The following METRNL variants were observed in gnomAD, a reference collection of about 807,000 sequenced individuals.
METRNL encodes meteorin like, glial cell differentiation regulator, also known as meteorin-like protein.
Under a neutral mutation model 17.4 loss-of-function variants are expected in METRNL, and 9 were observed. That is an observed-to-expected ratio of 0.52 (90% CI 0.31 to 0.90). The LOEUF (loss-of-function observed/expected upper bound fraction) is 0.90. METRNL is among the 40% of genes least tolerant of loss of function. The pLI, the probability that METRNL is intolerant of heterozygous loss-of-function variation, is 0.05. For synonymous variants in METRNL, 215 were observed against 199.3 expected, an observed-to-expected ratio of 1.08 and a Z score of -0.66; for missense variants, 408 against 430.7, an observed-to-expected ratio of 0.95 and a Z score of 0.47.
At chr17:83,092,130 G>A (rs544675605) in intron 2 of METRNL, among the ~76,000 whole-genome samples, 18 of 152,326 alleles carry the variant, frequency 1.2e-4, no homozygotes, top group South Asian at 4.1e-4. Context: ...GCCAGGCCCC[G>A]CAGGGTTCAG....
Position 83,085,313 on chromosome 17 carries a change from C to G in METRNL, c.546C>G (p.His182Gln), listed in dbSNP as rs554168103. 3.3e-5 allele frequency: 50 copies of G among 1,525,146 alleles called. 2 individuals are homozygous for G. In the Admixed American group the frequency reaches 9.9e-4, roughly 30 times the overall value. 94.5% of individuals were successfully genotyped at this position (1,525,146 alleles called of 1,614,324 possible). Residue 182 changes from histidine to glutamine, a missense_variant, in exon 2 of 4, where the codon CAC (histidine) becomes CAG (glutamine). Physicochemically the swap from His to Gln is conservative, Grantham distance 24 (BLOSUM62 0). Coordinates refer to ENST00000320095, the MANE Select transcript of METRNL (RefSeq NM_001004431.3). The stretch of plus-strand genomic sequence containing the variant: ...GGAGGCACAGGGCGTCGGACCTGCA[C>G]GAGCTGTCTGGTGAGTGTCCTGCCT... ...LVRRHRASDL[H>Q]ELSAPCRPCS... is the part of the protein sequence containing the mutation.
intron 2 of METRNL, among the ~76,000 whole-genome samples, chr17:83,092,166 A>C (rs767154353): frequency 6.4e-4 from 98 of 152,168 alleles, no homozygotes; most frequent in Non-Finnish European, 9.7e-4. Flanking sequence ...TTCTGTGAGC[A>C]GGGCTTGGCT....
chr17:83,084,882 G>T, intron 1 of METRNL, 56 bp from the exon 2 acceptor site: 1 of 1,559,216 alleles, frequency 6.4e-7, no homozygotes, highest in Non-Finnish European at 8.7e-7. Flanking sequence ...CTGTGGGTGC[G>T]GGTGGGGTGT....
At chr17:83,087,491 G>T (rs1032684526) in intron 2 of METRNL, among the ~76,000 whole-genome samples, 3 of 152,180 alleles carry the variant, frequency 2.0e-5, no homozygotes, top group African/African-American at 4.8e-5. Context: ...TATCCTGATG[G>T]GGTGGAGGGG....
At position 83,079,826 on chromosome 17, in the gene METRNL, C is replaced by A; in HGVS notation, c.11C>A (p.Ala4Glu). The A allele has an allele frequency of 1.0e-6, 1 of 972,578 alleles. No individual in the cohort carries two copies. The highest frequency in any genetic ancestry group is 1.2e-6 in the Non-Finnish European group (1 of 824,250). The allele number at this position is 972,578 out of a possible 1,614,324, so 60.2% of individuals were successfully genotyped here. A position where few individuals can be genotyped will look rare whatever the true frequency, so the allele number is the denominator to read the frequency against. Residue 4 changes from alanine (A) to glutamate (E), a missense_variant, in exon 1 of 4, where the codon GCG becomes GAG. By Grantham distance (107) the Ala-to-Glu change is moderately radical. Transcript: ENST00000320095. ...AGCCGGCGCCAGAGCATGCGGGGCG[C>A]GGCGCGGGCGGCCTGGGGGCGCGCG... MRG[A>E]ARAAWGRAGQ...
At chr17:83,088,091 C>T (rs946195219) in intron 2 of METRNL, among the ~76,000 whole-genome samples, 1 of 152,194 alleles carries the variant, frequency 6.6e-6, no homozygotes, top group East Asian at 1.9e-4. Context: ...TCCAGGGGTA[C>T]ACACTGGGGG....
At chr17:83,091,932 G>T (rs1337029020) in intron 2 of METRNL, among the ~76,000 whole-genome samples, 2 of 152,220 alleles carry the variant, frequency 1.3e-5, no homozygotes, top group South Asian at 2.1e-4. Flanking sequence ...TTCCAAGTCC[G>T]TCCCGAGTGT....
intron 3 of METRNL, 105 bp from the exon 4 acceptor site, chr17:83,094,151 C>T: frequency 1.0e-6 from 1 of 961,242 alleles, no homozygotes; most frequent in Non-Finnish European, 1.5e-6. Context: ...CGGGGGTCAG[C>T]TGCCCGTTCC....
In METRNL at chr17:83,094,658, GGCCGCGCGCTGGGA is replaced by G. The variant is rs1383297499; in HGVS notation, c.*89_*102del. On this transcript the variant is annotated 3_prime_UTR_variant, in exon 4 of 4. Transcript: ENST00000320095. Reference sequence around the variant, plus strand: ...GGTCCTGGTGGGGCCGTGCGGTGAGGGCCGCGCGCTGGGAGCCGCATGCCCTGGGCCCAGGCCTG... The same window carrying G: ...GGTCCTGGTGGGGCCGTGCGGTGAGGGCCGCATGCCCTGGGCCCAGGCCTG... 8.4e-7 allele frequency: 1 copy of G among 1,195,452 alleles called. No homozygotes were observed. Among genetic ancestry groups the G allele is most frequent in the Non-Finnish European group, 1.1e-6 (1 of 922,032 alleles). 74.1% of individuals were successfully genotyped at this position (1,195,452 alleles called of 1,614,324 possible).
At chr17:83,080,926 C>T (rs1042097611) in intron 1 of METRNL, among the ~76,000 whole-genome samples, 3 of 151,282 alleles carry the variant, frequency 2.0e-5, no homozygotes, top group Middle Eastern at 3.5e-3. Flanking sequence ...AGCTGTTTTC[C>T]GAGAAGGTCG....
At chr17:83,084,554 C>T (rs1382245464) in intron 1 of METRNL, 1 of 229,666 alleles carries the variant, frequency 4.4e-6, no homozygotes, top group African/African-American at 2.3e-5. Context: ...GCCCCAGCAC[C>T]TCCAGCCACC....
At chr17:83,089,185 AG>A (rs562176733) in intron 2 of METRNL, among the ~76,000 whole-genome samples, 176 of 152,170 alleles carry the variant, frequency 1.2e-3, no homozygotes, top group African/African-American at 4.1e-3. Context: ...TTGGGAGCTC[AG>A]CCTTGGGTCC....
Position 83,094,449 on chromosome 17 carries a change from C to T in METRNL, c.810C>T (p.Leu270=). The change falls in exon 4 of 4, where the codon CTC becomes CTT. Residue 270 remains leucine, a synonymous_variant. Transcript: ENST00000320095. The part of the protein sequence containing the change: ...CGVRPGHGDF[L]FTGHMHFGEA... ...TGCGGCCGGGGCATGGCGACTTCCTCTTCACTGGCCACATGCACTTCGGGG... is the reference window on the plus strand; with the variant it reads ...TGCGGCCGGGGCATGGCGACTTCCTTTTCACTGGCCACATGCACTTCGGGG... 1.9e-6 allele frequency: 3 copies of T among 1,594,528 alleles called. No individual in the cohort carries two copies. The highest frequency in any genetic ancestry group is 2.6e-6 in the Non-Finnish European group (3 of 1,165,724).
rs528647259 is a variant in METRNL, at chr17:83,095,092, G to A, written c.*517G>A. ...CCTTTTCAGGCCGCCGGTTGTTTCC[G>A]TTCCCGAGAATAAAGACGAGGATCC... On this transcript the variant is annotated 3_prime_UTR_variant, in exon 4 of 4. Coordinates refer to ENST00000320095, the MANE Select transcript of METRNL (RefSeq NM_001004431.3). 54 of 152,542 alleles carry A rather than the reference G, an allele frequency of 3.5e-4. 1 individual carries two copies. The highest frequency in any genetic ancestry group is 8.3e-4 in the South Asian group (4 of 4,826). 9.4% of individuals were successfully genotyped at this position (152,542 alleles called of 1,614,324 possible). A position where few individuals can be genotyped will look rare whatever the true frequency, so the allele number is the denominator to read the frequency against.
chr17:83,085,151 A>G lies in METRNL; in HGVS notation c.384A>G (p.Arg128=), dbSNP rs772309223. 8 of 1,613,102 alleles carry G rather than the reference A, an allele frequency of 5.0e-6. No individual in the cohort carries two copies. The South Asian group carries it at 8.8e-5, about 18-fold the overall frequency. ...NIYLEKTGEL[R]LLVPDGDGRP... ...ATTTGGAAAAAACTGGAGAACTGAG[A>G]CTGCTGGTACCAGACGGGGACGGCA... is the stretch of plus-strand genomic sequence containing the variant. Residue 128 remains arginine (R), a synonymous_variant, in exon 2 of 4, where the codon AGA becomes AGG. Coordinates refer to ENST00000320095, the MANE Select transcript of METRNL (RefSeq NM_001004431.3).
intron 2 of METRNL, among the ~76,000 whole-genome samples, chr17:83,087,256 G>T (rs1052315444): frequency 1.3e-5 from 2 of 152,176 alleles, no homozygotes; most frequent in Admixed American, 6.5e-5. Flanking sequence ...TGCGGCATCT[G>T]CTTAAACCGA....
Position 83,094,959 on chromosome 17 carries a change from G to A in METRNL, c.*384G>A, listed in dbSNP as rs780091349. 7.2e-4 allele frequency: 159 copies of A among 221,202 alleles called. No homozygotes were observed. Among genetic ancestry groups the A allele is most frequent in the Non-Finnish European group, 1.2e-3 (142 of 113,984 alleles). The allele number at this position is 221,202 out of a possible 1,614,324, so 13.7% of individuals were successfully genotyped here. ...TGAAGCACTGGCCGTTGGGCACAGT[G>A]GATGTGTGAAAAGGTGCCATTCAGA... is the stretch of plus-strand genomic sequence containing the variant. On this transcript the variant is annotated 3_prime_UTR_variant, in exon 4 of 4. Coordinates refer to ENST00000320095, the MANE Select transcript of METRNL (RefSeq NM_001004431.3).
At chr17:83,080,986 T>C (rs1228575727) in intron 1 of METRNL, among the ~76,000 whole-genome samples, 1 of 151,088 alleles carries the variant, frequency 6.6e-6, no homozygotes, top group Non-Finnish European at 1.5e-5. Context: ...GGCGCAGGTC[T>C]CCCCGCAGCC....
chr17:83,091,964 G>A (rs1207366830), intron 2 of METRNL, among the ~76,000 whole-genome samples: 4 of 152,206 alleles, frequency 2.6e-5, no homozygotes, highest in African/African-American at 7.2e-5. Context: ...GCGTGCAGAG[G>A]TTTCTGTTTC....
Sources: allele counts gnomAD v4.1 joint callset (sites outside exome capture counted in the v4.1 genomes callset), GRCh38; gene constraint gnomAD v4.1.1; transcripts MANE v1.5; gene names NCBI Gene and HGNC (gene_info 2026-07-23, HGNC 2026-07-21).